The following WDR43 variants were observed in gnomAD, a reference collection of about 807,000 sequenced individuals.
The protein encoded by WDR43 is WD repeat-containing protein 43.
A neutral mutation model predicts 91.4 loss-of-function variants in WDR43; 13 were observed. The ratio of observed to expected loss-of-function variants is 0.14; its 90% CI spans 0.09 to 0.23. The LOEUF is 0.23. Ranked by LOEUF, WDR43 falls within the 10% of genes least tolerant of loss-of-function variation. The pLI, the probability that WDR43 is intolerant of heterozygous loss-of-function variation, is 1.00. For missense variants in WDR43, 780 were observed against 809.4 expected (o/e 0.96, Z 0.44); for synonymous variants, 331 against 287.9 (o/e 1.15, Z -1.51).
chr2:28,937,853 T>C, intron 13 of WDR43, 78 bp from the exon 14 acceptor site: 1 of 1,370,442 alleles, frequency 7.3e-7, no homozygotes, highest in Non-Finnish European at 1.0e-6. Flanking sequence ...TTCACTTGTC[T>C]GTCTGGGTTT....
chr2:28,927,885 A>G (rs1336103719), intron 10 of WDR43, 185 bp downstream of exon 10: 32 of 907,380 alleles, frequency 3.5e-5, no homozygotes, highest in Non-Finnish European at 5.0e-5. Context: ...TTTGTTTAAC[A>G]GAGAAGATGG....
intron 6 of WDR43, among the ~76,000 whole-genome samples, chr2:28,922,550 A>C (rs1671052636): frequency 6.6e-6 from 1 of 152,150 alleles, no homozygotes; most frequent in African/African-American, 2.4e-5. Context: ...AGAGGCGATG[A>C]GGTCTTACAA....
chr2:28,895,810 G>A (rs1198167436), intron 1 of WDR43: 2 of 152,176 alleles, frequency 1.3e-5, no homozygotes, highest in African/African-American at 4.8e-5. Flanking sequence ...CGTTTACAGA[G>A]TAGCCAAACC....
At chr2:28,931,364 G>A (rs1312137631) in intron 11 of WDR43, among the ~76,000 whole-genome samples, 1 of 152,246 alleles carries the variant, frequency 6.6e-6, no homozygotes, top group African/African-American at 2.4e-5. Flanking sequence ...ACAGGCGTGA[G>A]CCACTGTGCC....
intron 3 of WDR43, among the ~76,000 whole-genome samples, chr2:28,908,570 T>G (rs531716180): frequency 6.6e-6 from 1 of 151,184 alleles, no homozygotes; most frequent in East Asian, 2.0e-4. Context: ...TCAACACGTG[T>G]GCGTTTTATT....
chr2:28,936,803 G>A, intron 12 of WDR43, 119 bp from the exon 13 acceptor site: 1 of 946,536 alleles, frequency 1.1e-6, no homozygotes, highest in South Asian at 1.5e-5. Flanking sequence ...GTATTATGCG[G>A]TTTAAAATAG....
At chr2:28,930,641 T>C (rs1398560472) in intron 11 of WDR43, among the ~76,000 whole-genome samples, 3 of 152,344 alleles carry the variant, frequency 2.0e-5, no homozygotes, top group East Asian at 3.9e-4. Context: ...TAGAAAACAA[T>C]TGACAGTGTT....
chr2:28,915,348 A>G (rs952887336), intron 5 of WDR43, among the ~76,000 whole-genome samples: 3 of 152,206 alleles, frequency 2.0e-5, no homozygotes, highest in Non-Finnish European at 4.4e-5. Flanking sequence ...GGGTCTAACA[A>G]TTACATAAGA....
intron 11 of WDR43, among the ~76,000 whole-genome samples, chr2:28,932,978 A>G (rs1671276250): frequency 6.6e-6 from 1 of 152,226 alleles, no homozygotes; most frequent in South Asian, 2.1e-4. Flanking sequence ...AGTTGAGAGA[A>G]GTTAATGAAG....
chr2:28,948,135 A>G lies in WDR43; in HGVS notation c.*1356A>G, dbSNP rs1572608846. On this transcript the variant is annotated 3_prime_UTR_variant, in exon 18 of 18. Coordinates refer to ENST00000407426, the MANE Select transcript of WDR43 (RefSeq NM_015131.3). ...TGAACCAGCTGCTGGTGTAATGTAC[A>G]GTTATATTTGTCTATAAATGGAGCT... 1.3e-5 allele frequency: 2 copies of G among 152,160 alleles called. No individual in the cohort carries two copies. The highest frequency in any genetic ancestry group is 4.1e-4 in the South Asian group (2 of 4,830). 9.4% of individuals were successfully genotyped at this position (152,160 alleles called of 1,614,324 possible).
chr2:28,925,291 GTTTAT>G, intron 8 of WDR43, 138 bp downstream of exon 8: 3 of 945,450 alleles, frequency 3.2e-6, no homozygotes, highest in Non-Finnish European at 2.9e-6. Context: ...TCATGGAGTG[GTTTAT>G]TTTAATTTTG....
intron 1 of WDR43, among the ~76,000 whole-genome samples, chr2:28,900,068 TC>T (rs1670550632): frequency 6.6e-6 from 1 of 152,198 alleles, no homozygotes; most frequent in Non-Finnish European, 1.5e-5. Flanking sequence ...TAATGGAAAT[TC>T]AAATTGGCAA....
intron 7 of WDR43, 63 bp from the exon 8 acceptor site, chr2:28,924,919 C>A: frequency 1.3e-6 from 2 of 1,555,852 alleles, no homozygotes; most frequent in South Asian, 2.5e-5. Context: ...GATGTCAGTT[C>A]CAGAGAGTTA....
chr2:28,921,785 C>T (rs1671031425), intron 6 of WDR43, among the ~76,000 whole-genome samples: 1 of 152,208 alleles, frequency 6.6e-6, no homozygotes, highest in Non-Finnish European at 1.5e-5. Flanking sequence ...CATCAAAGCT[C>T]ACTGTTGCCT....
chr2:28,946,351 T>G, intron 16 of WDR43, 99 bp from the exon 17 acceptor site: 2 of 1,179,814 alleles, frequency 1.7e-6, no homozygotes, highest in Non-Finnish European at 2.3e-6. Flanking sequence ...ATAAATAATA[T>G]TTCTAAAAGT....
chr2:28,912,830 A>G (rs774004106), intron 4 of WDR43, 120 bp downstream of exon 4: 20 of 1,347,600 alleles, frequency 1.5e-5, no homozygotes, highest in Admixed American at 5.3e-5. Context: ...AGGTACATCA[A>G]ATAGTTTAGT....
chr2:28,920,529 A>T (rs967567480), intron 6 of WDR43, among the ~76,000 whole-genome samples: 4 of 151,908 alleles, frequency 2.6e-5, no homozygotes, highest in Non-Finnish European at 5.9e-5. Flanking sequence ...CACTCAACCA[A>T]AAGTTTTAAA....
intron 11 of WDR43, 90 bp downstream of exon 11, chr2:28,929,800 A>G: frequency 7.5e-7 from 1 of 1,331,788 alleles, no homozygotes. Context: ...GTGAGCCATC[A>G]TGTTACAGAG....
intron 14 of WDR43, among the ~76,000 whole-genome samples, chr2:28,938,460 A>T (rs912746404): frequency 1.6e-4 from 24 of 150,048 alleles, no homozygotes; most frequent in Non-Finnish European, 3.0e-4. Context: ...ACCTATGGAA[A>T]TAGAAGAGGG....
Sources: gnomAD v4.1 joint callset for allele counts (sites outside exome capture counted in the v4.1 genomes callset) on GRCh38, gnomAD v4.1.1 for gene constraint, MANE v1.5 for transcripts, NCBI Gene and HGNC (gene_info 2026-07-23, HGNC 2026-07-21) for gene names.